CADM2: variants seen among roughly 807,000 people sequenced by gnomAD.
The protein encoded by CADM2 is cell adhesion molecule 2.
CADM2 carries 12 observed loss-of-function variants against 49.8 expected under a neutral mutation model. That is an observed-to-expected ratio of 0.24 (90% confidence interval 0.15 to 0.39). The LOEUF is 0.39. Among genes scored for constraint, CADM2 ranks in the 10% least tolerant of loss-of-function variants. The pLI is 1.00. For synonymous variants in CADM2, 214 were observed against 175.4 expected (o/e 1.22, Z -1.74); for missense variants, 378 against 492.3 (o/e 0.77, Z 2.20).
At chr3:85,825,868 A>C (rs896003210) in intron 3 of CADM2, among the ~76,000 whole-genome samples, 6 of 152,020 alleles carry the variant, frequency 3.9e-5, no homozygotes, top group Non-Finnish European at 7.4e-5. Flanking sequence ...GTGTGTATAA[A>C]TGTTTTCAAA....
At chr3:85,809,726 T>C (rs2072706222) in intron 3 of CADM2, among the ~76,000 whole-genome samples, 4 of 105,134 alleles carry the variant, frequency 3.8e-5, no homozygotes, top group Non-Finnish European at 5.6e-5. Context: ...CTTCGTTCCT[T>C]CCCTCCCTCC....
chr3:85,320,772 G>C (rs1216253351), intron 1 of CADM2, among the ~76,000 whole-genome samples: 1 of 151,810 alleles, frequency 6.6e-6, no homozygotes, highest in Admixed American at 6.6e-5. Flanking sequence ...ACTTCCTTTT[G>C]GGGTCTAGCT....
At chr3:85,815,925 T>C (rs1023682260) in intron 3 of CADM2, among the ~76,000 whole-genome samples, 3 of 152,104 alleles carry the variant, frequency 2.0e-5, no homozygotes, top group African/African-American at 7.2e-5. Flanking sequence ...TCTAATATTC[T>C]TAAAGTAAAT....
chr3:85,780,000 A>C (rs1241988531), intron 2 of CADM2, among the ~76,000 whole-genome samples: 3 of 152,206 alleles, frequency 2.0e-5, no homozygotes, highest in African/African-American at 7.2e-5. Flanking sequence ...GAGTTGATCA[A>C]TATGATAAAG....
intron 1 of CADM2, among the ~76,000 whole-genome samples, chr3:85,626,029 A>G (rs1386058497): frequency 6.6e-6 from 1 of 152,020 alleles, no homozygotes; most frequent in Non-Finnish European, 1.5e-5. Context: ...TTTTAAGTGT[A>G]TGCATATTAT....
At chr3:85,106,075 C>A (rs1013977091) in intron 1 of CADM2, among the ~76,000 whole-genome samples, 1 of 151,580 alleles carries the variant, frequency 6.6e-6, no homozygotes. Context: ...GCACATGTAC[C>A]CTAAAACTTA....
intron 1 of CADM2, among the ~76,000 whole-genome samples, chr3:85,295,943 A>G (rs982817876): frequency 6.6e-6 from 1 of 151,470 alleles, no homozygotes; most frequent in Non-Finnish European, 1.5e-5. Context: ...AAAGAAAAAA[A>G]GAAGAAGAAA....
At chr3:84,988,945 A>T (rs771909201) in intron 1 of CADM2, among the ~76,000 whole-genome samples, 1 of 152,168 alleles carries the variant, frequency 6.6e-6, no homozygotes, top group Non-Finnish European at 1.5e-5. Context: ...TTTTTTGAAC[A>T]TCTGCTGTGT....
chr3:86,034,749 A>G (rs901454923), intron 8 of CADM2, among the ~76,000 whole-genome samples: 3 of 152,016 alleles, frequency 2.0e-5, no homozygotes, highest in South Asian at 2.1e-4. Context: ...TTCACACTCA[A>G]TATGTCCTAA....
At chr3:85,489,363 T>C (rs1284316901) in intron 1 of CADM2, among the ~76,000 whole-genome samples, 1 of 152,196 alleles carries the variant, frequency 6.6e-6, no homozygotes, top group African/African-American at 2.4e-5. Context: ...TGTATCTCTT[T>C]AGACTGATAT....
intron 3 of CADM2, among the ~76,000 whole-genome samples, chr3:85,805,039 C>G (rs542071248): frequency 6.6e-6 from 1 of 152,200 alleles, no homozygotes; most frequent in Non-Finnish European, 1.5e-5. Flanking sequence ...TTCCTCGGCT[C>G]CAGCAATTCT....
intron 1 of CADM2, among the ~76,000 whole-genome samples, chr3:85,588,449 G>C (rs933547977): frequency 1.3e-5 from 2 of 152,022 alleles, no homozygotes; most frequent in African/African-American, 4.8e-5. Flanking sequence ...GCAGCAATAA[G>C]AGCCAGCAGA....
At chr3:85,898,424 A>G (rs1438462204) in intron 5 of CADM2, among the ~76,000 whole-genome samples, 2 of 152,108 alleles carry the variant, frequency 1.3e-5, no homozygotes, top group African/African-American at 2.4e-5. Flanking sequence ...AAGTTTATTT[A>G]TATCCTTTCC....
At chr3:85,550,684 A>T (rs1013229115) in intron 1 of CADM2, among the ~76,000 whole-genome samples, 2 of 152,022 alleles carry the variant, frequency 1.3e-5, no homozygotes, top group African/African-American at 4.8e-5. Context: ...GCGTCCAAAA[A>T]CCCTATTCTC....
chr3:85,448,460 G>A (rs929131205), intron 1 of CADM2, among the ~76,000 whole-genome samples: 2 of 151,940 alleles, frequency 1.3e-5, no homozygotes, highest in Non-Finnish European at 2.9e-5. Flanking sequence ...CTTGCATATG[G>A]ATGTCTTCAT....
At chr3:85,942,215 G>A (rs913937824) in intron 7 of CADM2, among the ~76,000 whole-genome samples, 2 of 151,850 alleles carry the variant, frequency 1.3e-5, no homozygotes, top group African/African-American at 4.8e-5. Flanking sequence ...CAATCAAATA[G>A]TTGTTAAAAA....
intron 1 of CADM2, among the ~76,000 whole-genome samples, chr3:85,333,884 CTGGCCAAACT>C (rs2045005736): frequency 6.6e-6 from 1 of 151,752 alleles, no homozygotes. Flanking sequence ...CCATGTAATT[CTGGCCAAACT>C]TTATTCACTT....
At chr3:85,393,968 C>T (rs754742172) in intron 1 of CADM2, among the ~76,000 whole-genome samples, 83 of 151,970 alleles carry the variant, frequency 5.5e-4, no homozygotes, top group African/African-American at 1.7e-3. Flanking sequence ...CACCACGCCT[C>T]GCTAATTTTT....
At chr3:85,487,221 A>G (rs957785260) in intron 1 of CADM2, among the ~76,000 whole-genome samples, 1 of 152,082 alleles carries the variant, frequency 6.6e-6, no homozygotes, top group Non-Finnish European at 1.5e-5. Flanking sequence ...TTCCCCTTCT[A>G]TCAGAAGATA....
Sources: allele counts gnomAD v4.1 joint callset (sites outside exome capture counted in the v4.1 genomes callset), GRCh38; gene constraint gnomAD v4.1.1; transcripts MANE v1.5; gene names NCBI Gene and HGNC (gene_info 2026-07-23, HGNC 2026-07-21).